Variants in CCDC191 observed in about 807,000 individuals in gnomAD.
CCDC191 encodes coiled-coil domain containing 191.
Under a neutral mutation model 114.0 loss-of-function variants are expected in CCDC191, and 99 were observed. That is an observed-to-expected ratio of 0.87 (90% CI 0.74 to 1.03). The LOEUF is 1.03. CCDC191 is among the 50% of genes least tolerant of loss of function. The pLI, the probability that CCDC191 is intolerant of heterozygous loss-of-function variation, is 0.00. For synonymous variants in CCDC191, 351 were observed against 376.0 expected, an observed-to-expected ratio of 0.93 and a Z score of 0.77; for missense variants, 973 against 1,087.0, an observed-to-expected ratio of 0.90 and a Z score of 1.47.
At position 113,964,402 on chromosome 3, in the gene CCDC191, AG is replaced by A. The variant is rs1189211038; in HGVS notation, c.*752del. The A allele has an allele frequency of 1.3e-5, 2 of 152,242 alleles. No homozygotes were observed. Among genetic ancestry groups the A allele is most frequent in the Non-Finnish European group, 2.9e-5 (2 of 68,048 alleles). The allele number at this position is 152,242 out of a possible 1,614,324, so 9.4% of individuals were successfully genotyped here. On this transcript the variant is annotated 3_prime_UTR_variant, in exon 17 of 17. Coordinates refer to ENST00000295878, the MANE Select transcript of CCDC191 (RefSeq NM_020817.2). ...TGAAAACATTCTTTGAATTCAAGAT[AG>A]GTATCTCAATATCTAGATCAAACTG...
At chr3:113,978,474 G>A (rs1225914990) in intron 15 of CCDC191, 143 bp from the exon 16 acceptor site, 1 of 817,796 alleles carries the variant, frequency 1.2e-6, no homozygotes, top group African/African-American at 1.7e-5. Flanking sequence ...TAACCTGGAA[G>A]CCAAGAAAAT....
chr3:114,012,884 A>C (rs2107685035), intron 8 of CCDC191, among the ~76,000 whole-genome samples: 1 of 152,348 alleles, frequency 6.6e-6, no homozygotes, highest in African/African-American at 2.4e-5. Flanking sequence ...TAAAAAAGTA[A>C]GAAAATGAGT....
intron 13 of CCDC191, among the ~76,000 whole-genome samples, chr3:113,989,018 G>T (rs908054353): frequency 6.6e-6 from 1 of 152,040 alleles, no homozygotes; most frequent in Non-Finnish European, 1.5e-5. Context: ...GGATAGTCTT[G>T]ATCTCCTGAC....
In CCDC191 at chr3:114,018,229, G is replaced by GT. The variant is rs1427598017; in HGVS notation, c.1163+448dup. Among the ~76,000 whole-genome samples, 97 of 152,330 alleles carry GT rather than the reference G, an allele frequency of 6.4e-4. 1 individual carries two copies. The highest frequency in any genetic ancestry group is 2.3e-3 in the African/African-American group (94 of 41,572). On this transcript the variant is annotated intron_variant, in intron 8 of 16. Transcript: ENST00000295878. ...TAAGCCAAACACCCTCTTTTGAATT[G>GT]TAAGATGGTCCAGGGTACAATGCTA...
At chr3:114,048,891 G>T (rs2076665076) in intron 2 of CCDC191, among the ~76,000 whole-genome samples, 1 of 152,208 alleles carries the variant, frequency 6.6e-6, no homozygotes, top group Non-Finnish European at 1.5e-5. Context: ...TTAAAGGAAT[G>T]AATACATGAA....
At chr3:114,023,996 A>T (rs190707164) in intron 7 of CCDC191, among the ~76,000 whole-genome samples, 43 of 152,338 alleles carry the variant, frequency 2.8e-4, no homozygotes, top group Middle Eastern at 3.4e-3. Flanking sequence ...CAATGAACTC[A>T]AACAAATTTA....
chr3:113,974,627 G>A (rs1941147680), intron 16 of CCDC191, among the ~76,000 whole-genome samples: 1 of 152,000 alleles, frequency 6.6e-6, no homozygotes, highest in South Asian at 2.1e-4. Context: ...CCAACTCGCT[G>A]TTGTTTCTTG....
chr3:114,007,680 G>C (rs2075995002), intron 9 of CCDC191, among the ~76,000 whole-genome samples: 1 of 152,136 alleles, frequency 6.6e-6, no homozygotes, highest in Non-Finnish European at 1.5e-5. Context: ...TAGTGGTACA[G>C]ATAGTACTTA....
Position 114,005,703 on chromosome 3 carries a change from A to G in CCDC191, c.1673T>C (p.Phe558Ser), listed in dbSNP as rs753260923. 39 of 1,613,964 alleles carry G rather than the reference A, an allele frequency of 2.4e-5. No homozygotes were observed. The East Asian group carries it at 8.2e-4, about 34-fold the overall frequency. Reference protein sequence around the residue: ...CLGHFHNRHVFQQQLIEKQKK... With the variant: ...CLGHFHNRHVSQQQLIEKQKK... The stretch of plus-strand genomic sequence containing the variant: ...TTGCTTCTCAATCAGCTGTTGCTGG[A>G]AGACATGGCGGTTGTGGAAATGACC... The change falls in exon 10 of 17, where the codon TTC (phenylalanine) becomes TCC (serine). Residue 558 changes from phenylalanine to serine, a missense_variant. Transcript: ENST00000295878.
In CCDC191 at chr3:114,056,374, C is replaced by G. The variant is rs1489756705; in HGVS notation, c.90+3G>C. 3.7e-6 allele frequency: 6 copies of G among 1,614,068 alleles called. No homozygotes were observed. The highest frequency in any genetic ancestry group is 1.1e-5 in the South Asian group (1 of 91,086). On this transcript the variant is annotated splice_donor_region_variant and intron_variant, in intron 1 of 16. Coordinates refer to ENST00000295878, the MANE Select transcript of CCDC191 (RefSeq NM_020817.2). ...GCCCTCCAAAGCTCTCGATTGGGAT[C>G]ACCTTGGGACTCGGCTTCCTTGTGA...
intron 13 of CCDC191, among the ~76,000 whole-genome samples, chr3:113,991,859 AT>A (rs2075577195): frequency 6.6e-6 from 1 of 152,228 alleles, no homozygotes; most frequent in Non-Finnish European, 1.5e-5. Flanking sequence ...TTATGTTCCC[AT>A]ATTAGCAATG....
intron 13 of CCDC191, among the ~76,000 whole-genome samples, chr3:113,985,189 G>A (rs1213927780): frequency 6.6e-6 from 1 of 152,110 alleles, no homozygotes; most frequent in Non-Finnish European, 1.5e-5. Flanking sequence ...GAAGATCATG[G>A]AGAATCCACA....
In CCDC191 at chr3:113,977,835, G is replaced by A. The variant is rs1381670021; in HGVS notation, c.2606+351C>T. Among the ~76,000 whole-genome samples, 6 of 152,212 alleles carry A rather than the reference G, an allele frequency of 3.9e-5. No individual in the cohort carries two copies. In the South Asian group the frequency reaches 1.2e-3, roughly 32 times the overall value. Reference sequence around the variant, plus strand: ...TGTCGTACATTTCACAATAAATGATGTTGAAAGAGAAACTGAACTTAAAAA... The same window carrying A: ...TGTCGTACATTTCACAATAAATGATATTGAAAGAGAAACTGAACTTAAAAA... On this transcript the variant is annotated intron_variant, in intron 16 of 16. Coordinates refer to ENST00000295878, the MANE Select transcript of CCDC191 (RefSeq NM_020817.2).
At chr3:113,988,733 A>G (rs557432384) in intron 13 of CCDC191, among the ~76,000 whole-genome samples, 3 of 151,676 alleles carry the variant, frequency 2.0e-5, no homozygotes, top group Non-Finnish European at 2.9e-5. Flanking sequence ...ATCAAATTAG[A>G]TGCTAAATCA....
Position 114,035,142 on chromosome 3 carries a change from C to G in CCDC191, c.601G>C (p.Glu201Gln). 6.2e-7 allele frequency: 1 copy of G among 1,611,254 alleles called. No homozygotes were observed. The highest frequency in any genetic ancestry group is 8.5e-7 in the Non-Finnish European group (1 of 1,178,516). ...TCTTTCTCACGTCTTAAGCGATTTT[C>G]TTTTACCTTAAAGCAAATATAATAA... is the stretch of plus-strand genomic sequence containing the variant. The part of the protein sequence containing the change: ...TMEMRHKQVK[E>Q]NRLRREKELE... Residue 201 changes from glutamate to glutamine, a missense_variant, in exon 6 of 17, where the codon GAA becomes CAA. Transcript: ENST00000295878.
intron 2 of CCDC191, among the ~76,000 whole-genome samples, chr3:114,049,305 T>C (rs2076670686): frequency 6.6e-6 from 1 of 152,240 alleles, no homozygotes; most frequent in Non-Finnish European, 1.5e-5. Flanking sequence ...CGTCATGTAT[T>C]AGATTCATGG....
intron 2 of CCDC191, among the ~76,000 whole-genome samples, chr3:114,051,937 T>A (rs1428626300): frequency 6.6e-6 from 1 of 152,230 alleles, no homozygotes; most frequent in Non-Finnish European, 1.5e-5. Flanking sequence ...ATGGTAACTA[T>A]GTCAATGTAA....
At chr3:114,025,432 C>G (rs2076307565) in intron 7 of CCDC191, among the ~76,000 whole-genome samples, 1 of 152,126 alleles carries the variant, frequency 6.6e-6, no homozygotes, top group Non-Finnish European at 1.5e-5. Context: ...CATATTGTAT[C>G]ATGTTATCCA....
chr3:114,017,948 T>G (rs1163402467), intron 8 of CCDC191, among the ~76,000 whole-genome samples: 9 of 152,280 alleles, frequency 5.9e-5, no homozygotes, highest in African/African-American at 1.4e-4. Flanking sequence ...TAAATAATAA[T>G]AAGAAAATTA....
Sources: allele counts gnomAD v4.1 joint callset (sites outside exome capture counted in the v4.1 genomes callset), GRCh38; gene constraint gnomAD v4.1.1; transcripts MANE v1.5; gene names NCBI Gene and HGNC (gene_info 2026-07-23, HGNC 2026-07-21).